The following VRK1 variants were observed in gnomAD, a reference collection of about 807,000 sequenced individuals.
The protein encoded by VRK1 is serine/threonine-protein kinase VRK1.
Under a neutral mutation model 57.1 loss-of-function variants are expected in VRK1, and 33 were observed. The ratio of observed to expected loss-of-function variants is 0.58; its 90% CI spans 0.44 to 0.77. The LOEUF (loss-of-function observed/expected upper bound fraction) is 0.77. Ranked by LOEUF, VRK1 falls within the 30% of genes least tolerant of loss-of-function variation. The probability of loss-of-function intolerance (pLI) is 0.00; values close to 1 mark genes in which losing one functional copy is unlikely to be tolerated. For missense variants in VRK1, 413 were observed against 477.3 expected (o/e 0.87, Z 1.25); for synonymous variants, 137 against 147.8 (o/e 0.93, Z 0.53).
intron 3 of VRK1, among the ~76,000 whole-genome samples, chr14:96,843,495 G>C (rs1260337754): frequency 2.0e-5 from 3 of 152,108 alleles, no homozygotes; most frequent in African/African-American, 7.2e-5. Flanking sequence ...ATAATTTTTT[G>C]GTAGGAAGGA....
chr14:96,854,047 A>G (rs145350824), intron 7 of VRK1, among the ~76,000 whole-genome samples: 13 of 151,834 alleles, frequency 8.6e-5, no homozygotes, highest in African/African-American at 1.9e-4. Flanking sequence ...CCTTCCTCCA[A>G]TGTCAGTTAT....
intron 3 of VRK1, among the ~76,000 whole-genome samples, chr14:96,845,602 C>T (rs1887652375): frequency 6.6e-6 from 1 of 152,080 alleles, no homozygotes; most frequent in African/African-American, 2.4e-5. Flanking sequence ...ATAATATGGG[C>T]TCTTCTTTGT....
chr14:96,856,963 G>A (rs1229672385), intron 10 of VRK1, among the ~76,000 whole-genome samples: 3 of 148,108 alleles, frequency 2.0e-5, no homozygotes, highest in Non-Finnish European at 1.5e-5. Flanking sequence ...GTGAGACTCC[G>A]TCTCAGAAAA....
chr14:96,860,230 T>C (rs1157647315), intron 10 of VRK1, among the ~76,000 whole-genome samples: 2 of 152,256 alleles, frequency 1.3e-5, no homozygotes, highest in Non-Finnish European at 2.9e-5. Flanking sequence ...TTTTACTTTC[T>C]AATCTTTATT....
intron 1 of VRK1, among the ~76,000 whole-genome samples, chr14:96,818,680 C>G (rs1487970444): frequency 6.6e-6 from 1 of 152,064 alleles, no homozygotes; most frequent in Non-Finnish European, 1.5e-5. Flanking sequence ...TTTTTTTATA[C>G]TTTCATTGAT....
intron 11 of VRK1, chr14:96,861,031 C>T (rs1437901523): frequency 9.0e-6 from 2 of 223,000 alleles, no homozygotes; most frequent in Non-Finnish European, 1.8e-5. Flanking sequence ...ATGTTCTTTT[C>T]TCCCAAGTCA....
intron 1 of VRK1, among the ~76,000 whole-genome samples, chr14:96,815,316 ATC>A (rs1158450773): frequency 6.6e-6 from 1 of 152,214 alleles, no homozygotes; most frequent in African/African-American, 2.4e-5. Flanking sequence ...ATAATATTCT[ATC>A]TCTCATCTAG....
At chr14:96,820,807 T>C (rs1331508531) in intron 1 of VRK1, among the ~76,000 whole-genome samples, 1 of 152,192 alleles carries the variant, frequency 6.6e-6, no homozygotes, top group African/African-American at 2.4e-5. Flanking sequence ...TTTTAATGTA[T>C]AGTTAAGATA....
chr14:96,833,053 C>T (rs145635831), intron 1 of VRK1, among the ~76,000 whole-genome samples: 452 of 152,282 alleles, frequency 3.0e-3, no homozygotes, highest in Non-Finnish European at 4.9e-3. Context: ...CTTATGTTTT[C>T]AATCTCTGCA....
chr14:96,811,830 C>G (rs1158847897), intron 1 of VRK1, among the ~76,000 whole-genome samples: 1 of 151,212 alleles, frequency 6.6e-6, no homozygotes, highest in African/African-American at 2.4e-5. Context: ...CCATACAATT[C>G]ATTCATTAAA....
At chr14:96,832,238 C>T (rs1474482340) in intron 1 of VRK1, among the ~76,000 whole-genome samples, 1 of 152,010 alleles carries the variant, frequency 6.6e-6, no homozygotes, top group Non-Finnish European at 1.5e-5. Context: ...ATGTATGTAG[C>T]ATGTCTAGGC....
At position 96,853,255 on chromosome 14, in the gene VRK1, T is replaced by C. The variant is rs1888021931; in HGVS notation, c.576+89T>C. 3.5e-6 allele frequency: 4 copies of C among 1,157,520 alleles called. No individual in the cohort carries two copies. In the Admixed American group the frequency reaches 7.0e-5, roughly 20 times the overall value. 71.7% of individuals were successfully genotyped at this position (1,157,520 alleles called of 1,614,324 possible). A position where few individuals can be genotyped will look rare whatever the true frequency, so the allele number is the denominator to read the frequency against. On this transcript the variant is annotated intron_variant, in intron 7 of 12. Transcript: ENST00000216639. ...TTGAACTTTTGAACCTGTGTAGAAG[T>C]TTTACTTTTTGAAGTAGATATGGTA...
At chr14:96,832,963 T>C (rs920838552) in intron 1 of VRK1, among the ~76,000 whole-genome samples, 8 of 152,176 alleles carry the variant, frequency 5.3e-5, no homozygotes, top group South Asian at 4.1e-4. Flanking sequence ...CACAGAGTCA[T>C]GAGGATGGAT....
rs1179834145 is a variant in VRK1, at chr14:96,846,179, A to G, written c.286+15A>G. On this transcript the variant is annotated intron_variant, in intron 4 of 12. Transcript: ENST00000216639. Reference sequence around the variant, plus strand: ...ACCAGAGCAAAGTAAGAAATACAGTACACATACGTTTACACTTTTAAAATG... The same window carrying G: ...ACCAGAGCAAAGTAAGAAATACAGTGCACATACGTTTACACTTTTAAAATG... 8 of 1,612,296 alleles carry G rather than the reference A, an allele frequency of 5.0e-6. No individual in the cohort carries two copies. The highest frequency in any genetic ancestry group is 1.1e-5 in the South Asian group (1 of 91,036).
In VRK1 at chr14:96,872,588, G is replaced by A. The variant is rs566971859; in HGVS notation, c.1069-3442G>A. ...CTACTGAAAGCTCACATAGGAGACC[G>A]CATAGTGCTGTGGAAAGGAAATTGC... On this transcript the variant is annotated intron_variant, in intron 11 of 12. Transcript: ENST00000216639. 2.9e-3 allele frequency among the ~76,000 whole-genome samples: 434 copies of A among 152,272 alleles called. 2 individuals are homozygous for A. The highest frequency in any genetic ancestry group is 0.02 in the South Asian group (94 of 4,820).
intron 11 of VRK1, among the ~76,000 whole-genome samples, chr14:96,865,428 A>G (rs1471432747): frequency 1.3e-5 from 2 of 152,068 alleles, no homozygotes; most frequent in East Asian, 1.9e-4. Flanking sequence ...TGTTTGAACT[A>G]TTGTCTTCAT....
intron 9 of VRK1, 111 bp from the exon 10 acceptor site, chr14:96,856,413 ATGTC>A (rs1888155778): frequency 1.5e-6 from 2 of 1,353,490 alleles, no homozygotes; most frequent in Non-Finnish European, 2.1e-6. Context: ...TTTTAGAAAA[ATGTC>A]TGTAAGCATA....
chr14:96,860,107 T>C (rs540674288), intron 10 of VRK1, among the ~76,000 whole-genome samples: 1 of 152,258 alleles, frequency 6.6e-6, no homozygotes, highest in Admixed American at 6.5e-5. Flanking sequence ...CTTTGGCCTC[T>C]TTTTGGTGTG....
intron 12 of VRK1, 71 bp from the exon 13 acceptor site, chr14:96,881,106 T>A: frequency 7.8e-7 from 1 of 1,284,748 alleles, no homozygotes; most frequent in Non-Finnish European, 1.1e-6. Flanking sequence ...TTTAGGGATA[T>A]TTATATTTCT....
Sources: gnomAD v4.1 joint callset for allele counts (sites outside exome capture counted in the v4.1 genomes callset) on GRCh38, gnomAD v4.1.1 for gene constraint, MANE v1.5 for transcripts, NCBI Gene and HGNC (gene_info 2026-07-23, HGNC 2026-07-21) for gene names.